CPT2: variants seen among roughly 807,000 people sequenced by gnomAD.
CPT2 encodes carnitine palmitoyltransferase 2, also known as carnitine O-palmitoyltransferase 2, mitochondrial.
A neutral mutation model predicts 48.6 loss-of-function variants in CPT2; 37 were observed. That is an observed-to-expected ratio of 0.76 (90% CI 0.59 to 1.00). CPT2 has a LOEUF of 1.00. Among genes scored for constraint, CPT2 ranks in the 50% least tolerant of loss-of-function variants. The pLI is 0.00. For synonymous variants in CPT2, 319 were observed against 326.9 expected (o/e 0.98, Z 0.26); for missense variants, 772 against 825.6 (o/e 0.94, Z 0.80).
intron 3 of CPT2, chr1:53,203,623 G>A (rs1328383684): frequency 6.6e-6 from 1 of 152,078 alleles, no homozygotes; most frequent in Non-Finnish European, 1.5e-5. Flanking sequence ...CAGAACTTGC[G>A]ACATGCTGTA....
intron 1 of CPT2, among the ~76,000 whole-genome samples, chr1:53,199,582 C>G (rs763952961): frequency 2.5e-4 from 38 of 152,192 alleles, no homozygotes; most frequent in Non-Finnish European, 4.6e-4. Flanking sequence ...GGTAAACTTT[C>G]ATGAATATTC....
chr1:53,203,775 C>CTTTCTTTTTTT lies in CPT2; in HGVS notation c.340+1349_340+1350insCTTTTTTTTTT, dbSNP rs1557714559. On this transcript the variant is annotated intron_variant, in intron 3 of 4. Transcript: ENST00000371486. The stretch of plus-strand genomic sequence containing the variant: ...ATATTTTCTTATTTCTTGGCTTTTT[C>CTTTCTTTTTTT]TTTTTCTTTTTTTTTTTTTTTAAAT... 3 of 66,860 alleles carry CTTTCTTTTTTT rather than the reference C, an allele frequency of 4.5e-5. 1 individual carries two copies. Among genetic ancestry groups the CTTTCTTTTTTT allele is most frequent in the African/African-American group, 1.2e-4 (3 of 24,858 alleles). 4.1% of individuals were successfully genotyped at this position (66,860 alleles called of 1,614,324 possible). A position where few individuals can be genotyped will look rare whatever the true frequency, so the allele number is the denominator to read the frequency against.
chr1:53,207,628 A>C (rs1645396569), intron 3 of CPT2: 1 of 152,062 alleles, frequency 6.6e-6, no homozygotes, highest in Non-Finnish European at 1.5e-5. Context: ...CACCTGGCTA[A>C]TTTTTTGTAT....
At chr1:53,204,537 T>G (rs1376305344) in intron 3 of CPT2, among the ~76,000 whole-genome samples, 1 of 152,198 alleles carries the variant, frequency 6.6e-6, no homozygotes, top group Non-Finnish European at 1.5e-5. Flanking sequence ...TTCATAATCC[T>G]GTGTTGTCTT....
At chr1:53,202,152 A>G in intron 2 of CPT2, 171 bp from the exon 3 acceptor site, 1 of 620,608 alleles carries the variant, frequency 1.6e-6, no homozygotes, top group Non-Finnish European at 2.9e-6. Flanking sequence ...AGTCTAGATT[A>G]TCAATTTTAG....
chr1:53,212,641 C>T (rs1645436765), intron 4 of CPT2: 1 of 398,156 alleles, frequency 2.5e-6, no homozygotes, highest in African/African-American at 2.1e-5. Context: ...CAATTGTCAT[C>T]CGTCATTACC....
chr1:53,210,153 TCCG>T lies in CPT2; in HGVS notation c.480_482del (p.Ile160_Arg161delinsMet). On this transcript the variant is annotated inframe_deletion, in exon 4 of 5. Coordinates refer to ENST00000371486, the MANE Select transcript of CPT2 (RefSeq NM_000098.3). The stretch of plus-strand genomic sequence containing the variant: ...GCAACCAACATGACTGTTTCTGCCA[TCCG>T]GTTTCTGAAGACACTCCGGGCTGGC... 1.2e-6 allele frequency: 2 copies of T among 1,614,176 alleles called. No homozygotes were observed. The highest frequency in any genetic ancestry group is 1.7e-6 in the Non-Finnish European group (2 of 1,180,028).
At chr1:53,212,534 T>C (rs1645435964) in intron 4 of CPT2, among the ~76,000 whole-genome samples, 1 of 152,260 alleles carries the variant, frequency 6.6e-6, no homozygotes, top group South Asian at 2.1e-4. Flanking sequence ...AGACTCACTT[T>C]TGAAAATTTA....
At chr1:53,207,283 T>C (rs1035873902) in intron 3 of CPT2, among the ~76,000 whole-genome samples, 1 of 152,224 alleles carries the variant, frequency 6.6e-6, no homozygotes, top group African/African-American at 2.4e-5. Flanking sequence ...AACAGACTAA[T>C]ACAGTGATCC....
At position 53,210,884 on chromosome 1, in the gene CPT2, G is replaced by A; in HGVS notation, c.1210G>A (p.Ala404Thr). Residue 404 changes from alanine (A) to threonine (T), a missense_variant, in exon 4 of 5, where the codon GCT (alanine) becomes ACT (threonine). Transcript: ENST00000371486. ...TPAVTPQSQP[A>T]TTDSTVTVQK... ...TGCCGTCACTCCACAGAGCCAGCCA[G>A]CTACCACTGACTCTACTGTCACGGT... 6.2e-7 allele frequency: 1 copy of A among 1,614,180 alleles called. No individual in the cohort carries two copies. Among genetic ancestry groups the A allele is most frequent in the Non-Finnish European group, 8.5e-7 (1 of 1,180,040 alleles).
rs1342700153 is a variant in CPT2, at chr1:53,211,248, C to G, written c.1574C>G (p.Ala525Gly). 1 of 1,612,324 alleles carries G rather than the reference C, an allele frequency of 6.2e-7. No individual in the cohort carries two copies. The highest frequency in any genetic ancestry group is 8.5e-7 in the Non-Finnish European group (1 of 1,179,154). ...GTCAGGGAGCCCTCCAGGCACAGTG[C>G]TGGTGAGCTTCAGCAGATGATGGTT... The part of the protein sequence containing the change: ...AFVREPSRHS[A>G]GELQQMMVEC... Residue 525 changes from alanine to glycine, a missense_variant, in exon 4 of 5, where the codon GCT (alanine) becomes GGT (glycine). By Grantham distance (60) the Ala-to-Gly change is moderately conservative. Transcript: ENST00000371486.
At chr1:53,197,156 C>T in intron 1 of CPT2, 61 bp downstream of exon 1, 1 of 1,529,266 alleles carries the variant, frequency 6.5e-7, no homozygotes, top group Non-Finnish European at 8.8e-7. Context: ...CCCAACCTGA[C>T]TGCAGTCACT....
intron 3 of CPT2, among the ~76,000 whole-genome samples, chr1:53,207,053 T>G (rs1345619180): frequency 6.6e-6 from 1 of 152,192 alleles, no homozygotes; most frequent in African/African-American, 2.4e-5. Flanking sequence ...CTTGTGATAG[T>G]GAGTTCTCAT....
At chr1:53,199,447 C>T (rs1346124711) in intron 1 of CPT2, among the ~76,000 whole-genome samples, 7 of 152,344 alleles carry the variant, frequency 4.6e-5, no homozygotes, top group East Asian at 1.9e-4. Flanking sequence ...GCCTCGGCCT[C>T]CCAAAGTGCT....
chr1:53,210,888 C>T lies in CPT2; in HGVS notation c.1214C>T (p.Thr405Ile), dbSNP rs778639977. Residue 405 changes from threonine to isoleucine, a missense_variant, in exon 4 of 5, where the codon ACC (threonine) becomes ATC (isoleucine). Transcript: ENST00000371486. ...GTCACTCCACAGAGCCAGCCAGCTA[C>T]CACTGACTCTACTGTCACGGTGCAG... ...PAVTPQSQPA[T>I]TDSTVTVQKL... The T allele has an allele frequency of 1.2e-6, 2 of 1,614,180 alleles. No homozygotes were observed. Among genetic ancestry groups the T allele is most frequent in the African/African-American group, 1.3e-5 (1 of 75,018 alleles).
chr1:53,213,208 T>C, intron 4 of CPT2, 56 bp from the exon 5 acceptor site: 2 of 1,592,614 alleles, frequency 1.3e-6, no homozygotes, highest in Non-Finnish European at 1.7e-6. Flanking sequence ...GTTGGGAGGT[T>C]TTCCTGAGGT....
At chr1:53,198,821 A>G (rs571984476) in intron 1 of CPT2, among the ~76,000 whole-genome samples, 33 of 152,360 alleles carry the variant, frequency 2.2e-4, no homozygotes, top group Admixed American at 1.2e-3. Context: ...ACCTTAAGCA[A>G]CCAACCTCCC....
At position 53,200,782 on chromosome 1, in the gene CPT2, G is replaced by C; in HGVS notation, c.216G>C (p.Leu72Phe). The change falls in exon 2 of 5, where the codon TTG becomes TTC. Residue 72 changes from leucine (L) to phenylalanine (F), a missense_variant. Leu to Phe is a conservative substitution (Grantham distance 22, BLOSUM62 0). Transcript: ENST00000371486. ...ACCTCAGTGCACAGAAGCCTCTCTTGAATGATGGCCAGTTCAGGTAAACAC... is the reference window on the plus strand; with the variant it reads ...ACCTCAGTGCACAGAAGCCTCTCTTCAATGATGGCCAGTTCAGGTAAACAC... ...RRYLSAQKPL[L>F]NDGQFRKTEQ... The C allele has an allele frequency of 4.3e-6, 7 of 1,613,862 alleles. No homozygotes were observed. Among genetic ancestry groups the C allele is most frequent in the Non-Finnish European group, 5.9e-6 (7 of 1,179,746 alleles).
rs565546278 is a variant in CPT2 at position 53,199,942 on chromosome 1, C to T, written c.153-777C>T. ...TTAATTTTGAGTTGGTAGAGGCAGC[C>T]TAACAAACTCTGATTGTTTTGCTAT... is the stretch of plus-strand genomic sequence containing the variant. On this transcript the variant is annotated intron_variant, in intron 1 of 4. Transcript: ENST00000371486. 4.6e-5 allele frequency: 7 copies of T among 152,294 alleles called. No homozygotes were observed. The South Asian group carries it at 1.5e-3, about 32-fold the overall frequency. 9.4% of individuals were successfully genotyped at this position (152,294 alleles called of 1,614,324 possible).
Sources: allele counts gnomAD v4.1 joint callset (sites outside exome capture counted in the v4.1 genomes callset), GRCh38; gene constraint gnomAD v4.1.1; transcripts MANE v1.5; gene names NCBI Gene and HGNC (gene_info 2026-07-23, HGNC 2026-07-21).